The following BCL2L1 variants were observed in gnomAD, a reference collection of about 807,000 sequenced individuals.
BCL2L1 encodes the protein BCL2 like 1, also known as bcl-2-like protein 1.
Under a neutral mutation model 18.7 loss-of-function variants are expected in BCL2L1, and 1 was observed. The observed-to-expected ratio is 0.05, with a 90% CI of 0.02 to 0.25. The LOEUF (loss-of-function observed/expected upper bound fraction) is 0.25. BCL2L1 is among the 10% of genes least tolerant of loss of function. BCL2L1 has a pLI of 1.00. For synonymous variants in BCL2L1, 103 were observed against 122.7 expected, an observed-to-expected ratio of 0.84 and a Z score of 1.06; for missense variants, 207 against 304.9, an observed-to-expected ratio of 0.68 and a Z score of 2.39.
intron 2 of BCL2L1, among the ~76,000 whole-genome samples, chr20:31,708,732 A>G (rs1338490650): frequency 6.6e-6 from 1 of 152,178 alleles, no homozygotes. Flanking sequence ...AGCTTTGCAG[A>G]GAAGGAGCTG....
intron 2 of BCL2L1, among the ~76,000 whole-genome samples, chr20:31,668,452 A>G (rs540676287): frequency 1.3e-5 from 2 of 151,718 alleles, no homozygotes; most frequent in Non-Finnish European, 2.9e-5. Context: ...GATTACAGAC[A>G]TGTGCCACCA....
intron 2 of BCL2L1, among the ~76,000 whole-genome samples, chr20:31,710,291 A>G (rs1326009993): frequency 6.6e-6 from 1 of 152,186 alleles, no homozygotes; most frequent in African/African-American, 2.4e-5. Flanking sequence ...TTGATACCTG[A>G]ATGATAAGAA....
chr20:31,714,578 GC>G (rs1322622282), intron 2 of BCL2L1, among the ~76,000 whole-genome samples: 1 of 152,056 alleles, frequency 6.6e-6, no homozygotes, highest in Non-Finnish European at 1.5e-5. Context: ...CTTTACCATC[GC>G]CCCCTGTGAG....
chr20:31,666,335 A>T (rs974917482), intron 2 of BCL2L1, among the ~76,000 whole-genome samples: 2 of 152,096 alleles, frequency 1.3e-5, no homozygotes, highest in Non-Finnish European at 2.9e-5. Context: ...GTAAGTCAAG[A>T]AGTAGCACTT....
chr20:31,681,084 T>A lies in BCL2L1; in HGVS notation c.565-14998A>T, dbSNP rs562556797. ...TGAAGTCCAGTGAATGTGAGGAGAC[T>A]GGTGGTGATGAGATCTGGAGGTAGC... On this transcript the variant is annotated intron_variant, in intron 2 of 2. Coordinates refer to ENST00000307677, the MANE Select transcript of BCL2L1 (RefSeq NM_138578.3). Among the ~76,000 whole-genome samples, 4 of 152,284 alleles carry A rather than the reference T, an allele frequency of 2.6e-5. No individual in the cohort carries two copies. In the East Asian group the frequency reaches 5.8e-4, roughly 22 times the overall value.
At chr20:31,707,104 G>A (rs2061378441) in intron 2 of BCL2L1, among the ~76,000 whole-genome samples, 1 of 152,190 alleles carries the variant, frequency 6.6e-6, no homozygotes, top group East Asian at 1.9e-4. Flanking sequence ...GGAGGACCCT[G>A]GGAAGATAAA....
At position 31,722,783 on chromosome 20, in the gene BCL2L1, G is replaced by C. The variant is rs947143259; in HGVS notation, c.-296C>G. 1 of 152,258 alleles carries C rather than the reference G, an allele frequency of 6.6e-6. No homozygotes were observed. The highest frequency in any genetic ancestry group is 1.5e-5 in the Non-Finnish European group (1 of 68,068). The allele number at this position is 152,258 out of a possible 1,614,324, so 9.4% of individuals were successfully genotyped here. A position where few individuals can be genotyped will look rare whatever the true frequency, so the allele number is the denominator to read the frequency against. On this transcript the variant is annotated 5_prime_UTR_variant, in exon 1 of 3. Transcript: ENST00000307677. ...CCGGAGGGATCATGCGACCCGGCAG[G>C]CTGGGAGCCCAGAAGGCGACACAGG...
At chr20:31,693,461 C>T (rs1039775213) in intron 2 of BCL2L1, among the ~76,000 whole-genome samples, 3 of 151,880 alleles carry the variant, frequency 2.0e-5, no homozygotes, top group African/African-American at 7.3e-5. Context: ...AAACACAGAA[C>T]TCAGGAGTAT....
chr20:31,691,048 G>A (rs1393574239), intron 2 of BCL2L1, among the ~76,000 whole-genome samples: 1 of 148,116 alleles, frequency 6.8e-6, no homozygotes, highest in Non-Finnish European at 1.5e-5. Context: ...GCTAACTTGG[G>A]AGGCTGAGGC....
intron 2 of BCL2L1, among the ~76,000 whole-genome samples, chr20:31,699,087 G>C (rs2061237224): frequency 6.6e-6 from 1 of 152,240 alleles, no homozygotes; most frequent in Non-Finnish European, 1.5e-5. Flanking sequence ...ACAAGAGGGA[G>C]TCGGGGAGGG....
At chr20:31,691,561 AAAAT>A (rs1368876133) in intron 2 of BCL2L1, among the ~76,000 whole-genome samples, 48 of 151,522 alleles carry the variant, frequency 3.2e-4, no homozygotes, top group African/African-American at 9.9e-4. Context: ...AAAATAAAAT[AAAAT>A]AAACAGGCTG....
intron 2 of BCL2L1, among the ~76,000 whole-genome samples, chr20:31,699,672 C>T (rs1156287782): frequency 6.6e-6 from 1 of 152,230 alleles, no homozygotes; most frequent in Non-Finnish European, 1.5e-5. Flanking sequence ...GGCTTTAGAG[C>T]CAGCCCAATC....
upstream of BCL2L1, chr20:31,723,531 G>A (rs1277081136): frequency 4.1e-6 from 4 of 984,782 alleles, no homozygotes; most frequent in Non-Finnish European, 3.6e-6. Context: ...CACTAGGCCG[G>A]GTACCCGCCG....
At chr20:31,679,917 G>A (rs1220958018) in intron 2 of BCL2L1, among the ~76,000 whole-genome samples, 1 of 152,202 alleles carries the variant, frequency 6.6e-6, no homozygotes, top group African/African-American at 2.4e-5. Context: ...CTGGCCTCAA[G>A]TGATCTGCCT....
chr20:31,664,682 G>T lies in BCL2L1; in HGVS notation c.*1267C>A, dbSNP rs1457491030. On this transcript the variant is annotated 3_prime_UTR_variant, in exon 3 of 3. Transcript: ENST00000307677. Reference sequence around the variant, plus strand: ...CGTGCACGCGCACTGCAAGCCAGCAGCTCCTCACACATAAATACAGACACG... The same window carrying T: ...CGTGCACGCGCACTGCAAGCCAGCATCTCCTCACACATAAATACAGACACG... 4.6e-6 allele frequency: 1 copy of T among 215,480 alleles called. No homozygotes were observed. The allele number at this position is 215,480 out of a possible 1,614,324, so 13.3% of individuals were successfully genotyped here.
Position 31,709,920 on chromosome 20 carries a change from A to C in BCL2L1, c.564+11735T>G, listed in dbSNP as rs569023002. 2.0e-5 allele frequency among the ~76,000 whole-genome samples: 3 copies of C among 151,406 alleles called. No homozygotes were observed. The South Asian group carries it at 6.3e-4, about 32-fold the overall frequency. On this transcript the variant is annotated intron_variant, in intron 2 of 2. Coordinates refer to ENST00000307677, the MANE Select transcript of BCL2L1 (RefSeq NM_138578.3). ...AGGCCAGCCTCGAACTCCTGATCTCAAGTGATCCACCTGCCTCAGTCTCCC... is the reference window on the plus strand; with the variant it reads ...AGGCCAGCCTCGAACTCCTGATCTCCAGTGATCCACCTGCCTCAGTCTCCC...
At chr20:31,691,607 C>T (rs2061077179) in intron 2 of BCL2L1, among the ~76,000 whole-genome samples, 2 of 151,824 alleles carry the variant, frequency 1.3e-5, no homozygotes. Context: ...CAAATTAATC[C>T]CAGCTACTCA....
intron 2 of BCL2L1, among the ~76,000 whole-genome samples, chr20:31,696,319 A>C (rs2061169146): frequency 6.6e-6 from 1 of 152,208 alleles, no homozygotes. Context: ...CACAGCCCTG[A>C]TGACCTTTGG....
At chr20:31,722,906 G>A (rs1403182338), upstream of BCL2L1, 1 of 152,448 alleles carries the variant, frequency 6.6e-6, no homozygotes, top group Non-Finnish European at 1.5e-5. Context: ...TGCCACCCGG[G>A]AGCCCAGCCC....
Sources: gnomAD v4.1 joint callset for allele counts (sites outside exome capture counted in the v4.1 genomes callset) on GRCh38, gnomAD v4.1.1 for gene constraint, MANE v1.5 for transcripts, NCBI Gene and HGNC (gene_info 2026-07-23, HGNC 2026-07-21) for gene names.